PLSCR1: variants seen among roughly 807,000 people sequenced by gnomAD.
PLSCR1 encodes the protein PL scramblase 1.
A neutral mutation model predicts 37.8 loss-of-function variants in PLSCR1; 17 were observed. That is an observed-to-expected ratio of 0.45 (90% CI 0.31 to 0.68). PLSCR1 has a LOEUF of 0.68. Among genes scored for constraint, PLSCR1 ranks in the 30% least tolerant of loss-of-function variants. The probability of loss-of-function intolerance (pLI) is 0.06; values close to 1 mark genes in which losing one functional copy is unlikely to be tolerated. For missense variants in PLSCR1, 347 were observed against 380.9 expected (o/e 0.91, Z 0.74); for synonymous variants, 116 against 125.9 (o/e 0.92, Z 0.53).
chr3:146,519,461 T>C (rs2108620569), intron 7 of PLSCR1, among the ~76,000 whole-genome samples: 1 of 152,176 alleles, frequency 6.6e-6, no homozygotes, highest in African/African-American at 2.4e-5. Flanking sequence ...TGTGGCCATA[T>C]TTTTTCCCCC....
intron 1 of PLSCR1, among the ~76,000 whole-genome samples, chr3:146,542,293 T>G (rs1183648116): frequency 1.3e-5 from 2 of 151,988 alleles, no homozygotes; most frequent in Non-Finnish European, 2.9e-5. Context: ...ACCAACCCAC[T>G]CACCCACACG....
chr3:146,533,494 G>T lies in PLSCR1; in HGVS notation c.70C>A (p.Gln24Lys). The change falls in exon 3 of 9, where the codon CAG (glutamine) becomes AAG (lysine). Residue 24 changes from glutamine (Q) to lysine (K), a missense_variant. Coordinates refer to ENST00000342435, the MANE Select transcript of PLSCR1 (RefSeq NM_021105.3). ...ETNLPVGYPP[Q>K]YPPTAFQGPP... ...CCTTGGAATGCTGTCGGTGGATACT[G>T]AGGAGGATACCCAACTGGCAAGTTT... 1 of 1,605,108 alleles carries T rather than the reference G, an allele frequency of 6.2e-7. No homozygotes were observed. The highest frequency in any genetic ancestry group is 8.5e-7 in the Non-Finnish European group (1 of 1,173,328).
intron 1 of PLSCR1, among the ~76,000 whole-genome samples, chr3:146,539,438 G>T (rs2044309171): frequency 6.6e-6 from 1 of 152,200 alleles, no homozygotes; most frequent in African/African-American, 2.4e-5. Flanking sequence ...ACTGGTACTG[G>T]TTGGTGATCC....
intron 1 of PLSCR1, among the ~76,000 whole-genome samples, chr3:146,540,264 C>G (rs1033119449): frequency 6.6e-6 from 1 of 152,276 alleles, no homozygotes; most frequent in East Asian, 1.9e-4. Flanking sequence ...ACTCTGTTAA[C>G]TAAGACTTTG....
intron 1 of PLSCR1, among the ~76,000 whole-genome samples, chr3:146,541,885 A>G (rs977503976): frequency 4.6e-5 from 7 of 152,116 alleles, no homozygotes; most frequent in Admixed American, 4.6e-4. Flanking sequence ...GCTTGTAAGG[A>G]AATCAAGTTC....
At chr3:146,520,106 T>C (rs1004342459) in intron 7 of PLSCR1, 1 of 152,140 alleles carries the variant, frequency 6.6e-6, no homozygotes, top group South Asian at 2.1e-4. Context: ...AAAGTTTCCA[T>C]TGTCAACTCT....
intron 5 of PLSCR1, among the ~76,000 whole-genome samples, chr3:146,522,395 C>T (rs1051434180): frequency 1.6e-4 from 25 of 151,986 alleles, no homozygotes; most frequent in Admixed American, 4.6e-4. Context: ...CCCTACCCCC[C>T]ACCCTGTGCT....
At chr3:146,524,159 T>G (rs2044072377) in intron 5 of PLSCR1, among the ~76,000 whole-genome samples, 1 of 152,208 alleles carries the variant, frequency 6.6e-6, no homozygotes, top group African/African-American at 2.4e-5. Context: ...AGGACATTCA[T>G]TATCTAATTA....
intron 1 of PLSCR1, among the ~76,000 whole-genome samples, chr3:146,542,774 A>G (rs1297023180): frequency 6.6e-6 from 1 of 152,178 alleles, no homozygotes; most frequent in Non-Finnish European, 1.5e-5. Context: ...ACACATAGAA[A>G]TTCTTCCTAT....
chr3:146,544,395 G>T, intron 1 of PLSCR1, 72 bp downstream of exon 1: 1 of 152,596 alleles, frequency 6.6e-6, no homozygotes, highest in Non-Finnish European at 1.5e-5. Flanking sequence ...CCCGGCCCTG[G>T]CCCCAGCGCA....
intron 1 of PLSCR1, among the ~76,000 whole-genome samples, chr3:146,539,467 C>A (rs867458365): frequency 2.0e-5 from 3 of 152,190 alleles, no homozygotes; most frequent in Non-Finnish European, 4.4e-5. Flanking sequence ...GGGAGCCCAG[C>A]TGTTAAGAAT....
intron 3 of PLSCR1, among the ~76,000 whole-genome samples, chr3:146,531,458 C>A (rs545940784): frequency 1.3e-5 from 2 of 152,254 alleles, no homozygotes; most frequent in African/African-American, 4.8e-5. Flanking sequence ...AGAAACCAGA[C>A]CATAGGCAGA....
intron 3 of PLSCR1, 100 bp from the exon 4 acceptor site, chr3:146,528,931 G>A (rs551085322): frequency 5.2e-5 from 39 of 755,964 alleles, no homozygotes; most frequent in Non-Finnish European, 5.8e-5. Flanking sequence ...ACATTTCAGC[G>A]TAGACATCTG....
intron 1 of PLSCR1, 49 bp from the exon 2 acceptor site, chr3:146,536,614 C>A (rs920065005): frequency 2.0e-5 from 22 of 1,076,364 alleles, no homozygotes; most frequent in African/African-American, 4.7e-5. Flanking sequence ...GGCCACAAGT[C>A]AAATATAACA....
At position 146,517,083 on chromosome 3, in the gene PLSCR1, C is replaced by T. The variant is rs1304049755; in HGVS notation, c.823G>A (p.Asp275Asn). 3 of 1,603,470 alleles carry T rather than the reference C, an allele frequency of 1.9e-6. No homozygotes were observed. Among genetic ancestry groups the T allele is most frequent in the East Asian group, 4.5e-5 (2 of 44,350 alleles). The change falls in exon 8 of 9, where the codon GAT becomes AAT. Residue 275 changes from aspartate (D) to asparagine (N), a missense_variant. Physicochemically the swap from Asp to Asn is conservative, Grantham distance 23. Transcript: ENST00000342435. Reference sequence around the variant, plus strand: ...AAAGGGAACTGGATTCCAAAGTTATCAGCGTCTGTAAATGCCTCTCTCAAA... The same window carrying T: ...AAAGGGAACTGGATTCCAAAGTTATTAGCGTCTGTAAATGCCTCTCTCAAA... ...GILREAFTDADNFGIQFPLDL... is the reference protein window; with the variant it reads ...GILREAFTDANNFGIQFPLDL...
At chr3:146,521,811 G>T (rs767529943) in intron 6 of PLSCR1, 22 bp downstream of exon 6, 1 of 1,589,628 alleles carries the variant, frequency 6.3e-7, no homozygotes, top group South Asian at 1.1e-5. Flanking sequence ...TTTACAAAGT[G>T]CCCTGGTAAT....
intron 1 of PLSCR1, chr3:146,538,189 TCTG>T (rs2108668905): frequency 6.6e-6 from 1 of 152,330 alleles, no homozygotes; most frequent in South Asian, 2.1e-4. Context: ...TTTATACTTT[TCTG>T]CTGTTAATCT....
At chr3:146,524,523 A>G (rs2044079415) in intron 5 of PLSCR1, among the ~76,000 whole-genome samples, 1 of 152,046 alleles carries the variant, frequency 6.6e-6, no homozygotes, top group Non-Finnish European at 1.5e-5. Context: ...TAATTAACAC[A>G]TATTTAACAA....
chr3:146,519,498 C>T (rs932388050), intron 7 of PLSCR1, among the ~76,000 whole-genome samples: 1 of 152,078 alleles, frequency 6.6e-6, no homozygotes, highest in Admixed American at 6.6e-5. Context: ...AGGAGACAGA[C>T]TCTCTTATCA....
Sources: gnomAD v4.1 joint callset for allele counts (sites outside exome capture counted in the v4.1 genomes callset) on GRCh38, gnomAD v4.1.1 for gene constraint, MANE v1.5 for transcripts, NCBI Gene and HGNC (gene_info 2026-07-23, HGNC 2026-07-21) for gene names.